Variants in NEGR1 observed in about 807,000 individuals in gnomAD.
The protein encoded by NEGR1 is neuronal growth regulator 1.
A neutral mutation model predicts 40.9 loss-of-function variants in NEGR1; 10 were observed. The ratio of observed to expected loss-of-function variants is 0.24; its 90% CI spans 0.15 to 0.42. The LOEUF (loss-of-function observed/expected upper bound fraction) is 0.42, where lower values mean the gene tolerates loss of function less well. Among genes scored for constraint, NEGR1 ranks in the 10% least tolerant of loss-of-function variants. The probability of loss-of-function intolerance (pLI) is 1.00; values close to 1 mark genes in which losing one functional copy is unlikely to be tolerated. For synonymous variants in NEGR1, 185 were observed against 166.8 expected, an observed-to-expected ratio of 1.11 and a Z score of -0.84; for missense variants, 352 against 438.9, an observed-to-expected ratio of 0.80 and a Z score of 1.77.
chr1:71,519,756 C>A (rs75542791), intron 6 of NEGR1, among the ~76,000 whole-genome samples: 3,153 of 133,576 alleles, frequency 0.024, 55 homozygotes, highest in African/African-American at 0.047. Flanking sequence ...TAAAAAAAAA[C>A]AAAAAAAGAT....
chr1:71,814,077 G>A (rs1437603731), intron 2 of NEGR1, among the ~76,000 whole-genome samples: 1 of 152,108 alleles, frequency 6.6e-6, no homozygotes, highest in African/African-American at 2.4e-5. Flanking sequence ...GTCATAAATG[G>A]CTCTTAATAT....
chr1:71,425,614 A>T (rs964579355), intron 6 of NEGR1, among the ~76,000 whole-genome samples: 14 of 152,148 alleles, frequency 9.2e-5, no homozygotes, highest in African/African-American at 3.4e-4. Flanking sequence ...ACAGTAAGAA[A>T]GCTTGACCAG....
chr1:71,841,915 A>T (rs933988490), intron 2 of NEGR1, among the ~76,000 whole-genome samples: 2 of 152,120 alleles, frequency 1.3e-5, no homozygotes, highest in African/African-American at 4.8e-5. Flanking sequence ...GCTAGATTGA[A>T]TTTTTAAAAC....
rs766139626 is a variant in NEGR1 at position 71,403,640 on chromosome 1, C to T, written c.*3806G>A. On this transcript the variant is annotated 3_prime_UTR_variant, in exon 7 of 7. Transcript: ENST00000357731. ...AGTAAGCAGAAAGATGAGTGTAATA[C>T]AGGAAATAAAGAGAATAGCAGAAAT... 3.0e-5 allele frequency: 9 copies of T among 296,182 alleles called. No homozygotes were observed. Among genetic ancestry groups the T allele is most frequent in the South Asian group, 1.7e-4 (1 of 6,048 alleles). The allele number at this position is 296,182 out of a possible 1,614,324, so 18.3% of individuals were successfully genotyped here. A position where few individuals can be genotyped will look rare whatever the true frequency, so the allele number is the denominator to read the frequency against.
intron 2 of NEGR1, among the ~76,000 whole-genome samples, chr1:71,930,984 A>G (rs1213714188): frequency 6.6e-6 from 1 of 152,122 alleles, no homozygotes; most frequent in Non-Finnish European, 1.5e-5. Flanking sequence ...TGACTTCAGC[A>G]AGGAGGCTCT....
chr1:71,987,871 T>A (rs1646410377), intron 1 of NEGR1, among the ~76,000 whole-genome samples: 1 of 152,210 alleles, frequency 6.6e-6, no homozygotes, highest in Non-Finnish European at 1.5e-5. Context: ...TGAAAGGATG[T>A]GTGTAAACCA....
At chr1:72,085,188 T>C (rs1019622472) in intron 1 of NEGR1, among the ~76,000 whole-genome samples, 58 of 152,342 alleles carry the variant, frequency 3.8e-4, no homozygotes, top group African/African-American at 1.3e-3. Context: ...GAAATGCATG[T>C]AATGCATAAT....
At chr1:71,681,437 C>T (rs1180316185) in intron 4 of NEGR1, among the ~76,000 whole-genome samples, 1 of 152,164 alleles carries the variant, frequency 6.6e-6, no homozygotes, top group Non-Finnish European at 1.5e-5. Flanking sequence ...TGTCTTCTGG[C>T]ATTCATTGTT....
chr1:72,265,931 G>A (rs1032867622), intron 1 of NEGR1, among the ~76,000 whole-genome samples: 7 of 150,288 alleles, frequency 4.7e-5, no homozygotes, highest in East Asian at 1.9e-4. Context: ...AAATACTACA[G>A]TATGTACTCT....
At chr1:71,875,227 C>T (rs1270868227) in intron 2 of NEGR1, among the ~76,000 whole-genome samples, 1 of 152,090 alleles carries the variant, frequency 6.6e-6, no homozygotes, top group Non-Finnish European at 1.5e-5. Context: ...TTTAAAAATG[C>T]CAATCTTGTA....
intron 6 of NEGR1, among the ~76,000 whole-genome samples, chr1:71,512,559 GA>G (rs536924620): frequency 1.3e-5 from 2 of 148,412 alleles, no homozygotes; most frequent in African/African-American, 4.9e-5. Flanking sequence ...GTAGCACTTA[GA>G]AAAAAAAGCA....
intron 1 of NEGR1, among the ~76,000 whole-genome samples, chr1:72,088,779 T>C (rs1648326789): frequency 6.7e-6 from 1 of 148,432 alleles, no homozygotes; most frequent in Non-Finnish European, 1.5e-5. Flanking sequence ...CAATGTATAA[T>C]GTAGTTCTCT....
In NEGR1 at chr1:71,473,542, G is replaced by C. The variant is rs142649833; in HGVS notation, c.941-65972C>G. Among the ~76,000 whole-genome samples, 12 of 152,078 alleles carry C rather than the reference G, an allele frequency of 7.9e-5. No individual in the cohort carries two copies. In the East Asian group the frequency reaches 2.3e-3, roughly 30 times the overall value. On this transcript the variant is annotated intron_variant, in intron 6 of 6. Transcript: ENST00000357731. ...CATCCAGGGAAAATGAATGACCCTC[G>C]GTGTACTTCCTTATAACCATGCCAA...
rs557935575 is a variant in NEGR1, at chr1:71,999,391, C to T, written c.177-64080G>A. Among the ~76,000 whole-genome samples the T allele has an allele frequency of 2.1e-4, 32 of 151,468 alleles. No individual in the cohort carries two copies. In the South Asian group the frequency reaches 6.5e-3, roughly 31 times the overall value. On this transcript the variant is annotated intron_variant, in intron 1 of 6. Transcript: ENST00000357731. ...AGGTAATTGAAACATTACCTTTCCC[C>T]ACCCATTTTTTTCCTGTCTGGGAAG...
At chr1:72,240,874 A>T (rs1340410333) in intron 1 of NEGR1, among the ~76,000 whole-genome samples, 2 of 151,772 alleles carry the variant, frequency 1.3e-5, no homozygotes, top group Non-Finnish European at 2.9e-5. Flanking sequence ...GTAGGTATTA[A>T]TCTTATAGTA....
intron 1 of NEGR1, among the ~76,000 whole-genome samples, chr1:72,048,160 C>T (rs79596661): frequency 5.1e-4 from 77 of 151,710 alleles, no homozygotes; most frequent in African/African-American, 1.8e-3. Context: ...AGACTCTACC[C>T]AAACTCAAAT....
chr1:72,088,444 T>G lies in NEGR1; in HGVS notation c.177-153133A>C, dbSNP rs774706597. Among the ~76,000 whole-genome samples the G allele has an allele frequency of 2.9e-3, 440 of 152,298 alleles. 3 individuals are homozygous for G. Among genetic ancestry groups the G allele is most frequent in the Non-Finnish European group, 4.1e-3 (278 of 68,032 alleles). The stretch of plus-strand genomic sequence containing the variant: ...GTGATTAAGAGGGTAGGTGCTCATA[T>G]GGTGCATTTCAGAAATAAAGAGCCT... On this transcript the variant is annotated intron_variant, in intron 1 of 6. Coordinates refer to ENST00000357731, the MANE Select transcript of NEGR1 (RefSeq NM_173808.3).
chr1:71,866,621 A>C lies in NEGR1; in HGVS notation c.409+68458T>G, dbSNP rs561835593. Among the ~76,000 whole-genome samples the C allele has an allele frequency of 9.2e-5, 14 of 152,318 alleles. No individual in the cohort carries two copies. The East Asian group carries it at 2.7e-3, about 29-fold the overall frequency. ...TTTTTCCCAATATTTTGATCCTTTA[A>C]ATATGCCACTGTGTAGTAATTCCAT... On this transcript the variant is annotated intron_variant, in intron 2 of 6. Transcript: ENST00000357731.
chr1:71,782,495 T>C (rs1002578970), intron 2 of NEGR1, among the ~76,000 whole-genome samples: 1 of 152,170 alleles, frequency 6.6e-6, no homozygotes, highest in Non-Finnish European at 1.5e-5. Context: ...ATAATTATCA[T>C]TGGTATTTAT....
Sources: gnomAD v4.1 joint callset for allele counts (sites outside exome capture counted in the v4.1 genomes callset) on GRCh38, gnomAD v4.1.1 for gene constraint, MANE v1.5 for transcripts, NCBI Gene and HGNC (gene_info 2026-07-23, HGNC 2026-07-21) for gene names.